Variants in XPO1 observed in about 807,000 individuals in gnomAD.
The protein encoded by XPO1 is exportin-1.
XPO1 carries 5 observed loss-of-function variants against 133.3 expected under a neutral mutation model. The ratio of observed to expected loss-of-function variants is 0.04; its 90% CI spans 0.02 to 0.08. XPO1 has a LOEUF of 0.08. Ranked by LOEUF, XPO1 falls within the 10% of genes least tolerant of loss-of-function variation. XPO1 has a pLI of 1.00. For synonymous variants in XPO1, 419 were observed against 408.2 expected (o/e 1.03, Z -0.32); for missense variants, 506 against 1,267.5 (o/e 0.40, Z 9.12).
At position 61,493,541 on chromosome 2, in the gene XPO1, A is replaced by C. The variant is rs915663532; in HGVS notation, c.1245+353T>G. On this transcript the variant is annotated intron_variant, in intron 12 of 24. Coordinates refer to ENST00000401558, the MANE Select transcript of XPO1 (RefSeq NM_003400.4). ...AAATTTTTTTTCACTGTAATTCTAC[A>C]AAAATGGCTTTATAATTATTTAAGT... 3 of 211,386 alleles carry C rather than the reference A, an allele frequency of 1.4e-5. No homozygotes were observed. The East Asian group carries it at 3.7e-4, about 26-fold the overall frequency. 13.1% of individuals were successfully genotyped at this position (211,386 alleles called of 1,614,324 possible). A position where few individuals can be genotyped will look rare whatever the true frequency, so the allele number is the denominator to read the frequency against.
At chr2:61,533,067 T>A (rs570221065) in intron 2 of XPO1, among the ~76,000 whole-genome samples, 4 of 151,848 alleles carry the variant, frequency 2.6e-5, no homozygotes, top group African/African-American at 7.3e-5. Flanking sequence ...TAATCCCAGC[T>A]ACCAGGGAGG....
chr2:61,515,776 G>A (rs1057170361), intron 4 of XPO1, among the ~76,000 whole-genome samples: 1 of 151,900 alleles, frequency 6.6e-6, no homozygotes, highest in Non-Finnish European at 1.5e-5. Context: ...AATTTTAGTG[G>A]CCCAACTACT....
chr2:61,531,408 C>G (rs1699149770), intron 2 of XPO1, among the ~76,000 whole-genome samples: 1 of 152,100 alleles, frequency 6.6e-6, no homozygotes, highest in Admixed American at 6.5e-5. Context: ...ATTAACAAGT[C>G]AATTTTAAAA....
intron 4 of XPO1, among the ~76,000 whole-genome samples, chr2:61,506,315 C>A (rs903870503): frequency 2.0e-5 from 3 of 152,116 alleles, no homozygotes; most frequent in South Asian, 4.1e-4. Context: ...CCCAGCTACT[C>A]AGGAGGCTGA....
rs145570368 is a variant in XPO1 at position 61,538,041 on chromosome 2, G to T, written c.-486C>A. The T allele has an allele frequency of 3.6e-5, 1 of 27,616 alleles. No homozygotes were observed. Among genetic ancestry groups the T allele is most frequent in the African/African-American group, 9.6e-5 (1 of 10,428 alleles). 1.7% of individuals were successfully genotyped at this position (27,616 alleles called of 1,614,324 possible). On this transcript the variant is annotated 5_prime_UTR_variant, in exon 1 of 25. Coordinates refer to ENST00000401558, the MANE Select transcript of XPO1 (RefSeq NM_003400.4). ...CCTCTCTCACGCGGCTCCGGCGCTG[G>T]CCCCCCCCCCCCCAAGGCTCGCCTA...
At chr2:61,518,824 G>A (rs1698542204) in intron 4 of XPO1, among the ~76,000 whole-genome samples, 1 of 152,084 alleles carries the variant, frequency 6.6e-6, no homozygotes. Flanking sequence ...AAAATCCAGA[G>A]AAATGTAATA....
At chr2:61,527,674 G>C (rs775932945) in intron 2 of XPO1, among the ~76,000 whole-genome samples, 1 of 152,058 alleles carries the variant, frequency 6.6e-6, no homozygotes, top group Non-Finnish European at 1.5e-5. Context: ...TCTTTAAAGA[G>C]GGCTCCTAAC....
Position 61,496,978 on chromosome 2 carries a change from G to C in XPO1, c.789C>G (p.Val263=). 6.2e-7 allele frequency: 1 copy of C among 1,613,134 alleles called. No individual in the cohort carries two copies. Among genetic ancestry groups the C allele is most frequent in the Non-Finnish European group, 8.5e-7 (1 of 1,179,734 alleles). The change falls in exon 10 of 25, where the codon GTC becomes GTG. Residue 263 remains valine, a synonymous_variant. Transcript: ENST00000401558. ...CAATCTCAGTGAGGCACTTCAGAGAGACATTTCGAAACATTGGAACATTCA... is the reference window on the plus strand; with the variant it reads ...CAATCTCAGTGAGGCACTTCAGAGACACATTTCGAAACATTGGAACATTCA... ...KFLNVPMFRN[V]SLKCLTEIAG... is the part of the protein sequence containing the mutation.
chr2:61,502,328 C>T lies in XPO1; in HGVS notation c.302-18G>A, dbSNP rs748954546. 80 of 1,604,054 alleles carry T rather than the reference C, an allele frequency of 5.0e-5. No individual in the cohort carries two copies. In the Admixed American group the frequency reaches 9.2e-4, roughly 18 times the overall value. ...TTTTATTCCTATTAAAAAAATTGCA[C>T]GTAATAAAAAAATTGTTGAGCTCTT... On this transcript the variant is annotated intron_variant, in intron 4 of 24. Transcript: ENST00000401558.
At chr2:61,481,352 A>G in intron 23 of XPO1, 71 bp from the exon 24 acceptor site, 6 of 1,159,282 alleles carry the variant, frequency 5.2e-6, no homozygotes, top group East Asian at 2.7e-5. Context: ...CTCTGTCACC[A>G]GGCTGGAGTA....
chr2:61,521,140 C>G (rs1698670282), intron 4 of XPO1, among the ~76,000 whole-genome samples: 1 of 152,144 alleles, frequency 6.6e-6, no homozygotes. Context: ...CACTCTTAAT[C>G]TATGATTTAT....
intron 1 of XPO1, among the ~76,000 whole-genome samples, chr2:61,535,890 A>C (rs1247929966): frequency 2.0e-5 from 3 of 152,226 alleles, no homozygotes; most frequent in African/African-American, 7.2e-5. Flanking sequence ...CATAAAATTT[A>C]AAAGATCAGA....
Position 61,533,805 on chromosome 2 carries a change from C to A in XPO1, c.93G>T (p.Val31=). ...CTTCTCCATGGTATAAGCAATTCACCACATTATCTAATAAGTTGATATCCA... is the reference window on the plus strand; with the variant it reads ...CTTCTCCATGGTATAAGCAATTCACAACATTATCTAATAAGTTGATATCCA... ...QKLDINLLDN[V]VNCLYHGEGA... is the part of the protein sequence containing the mutation. The change falls in exon 2 of 25, where the codon GTG becomes GTT. Residue 31 remains valine (V), a synonymous_variant. Coordinates refer to ENST00000401558, the MANE Select transcript of XPO1 (RefSeq NM_003400.4). 6.2e-7 allele frequency: 1 copy of A among 1,607,510 alleles called. No individual in the cohort carries two copies. Among genetic ancestry groups the A allele is most frequent in the Admixed American group, 1.7e-5 (1 of 58,592 alleles).
chr2:61,530,490 T>C (rs1355097147), intron 2 of XPO1, among the ~76,000 whole-genome samples: 1 of 152,198 alleles, frequency 6.6e-6, no homozygotes, highest in East Asian at 1.9e-4. Flanking sequence ...GCAATAGAGT[T>C]CAAGATCTTT....
chr2:61,511,570 C>T (rs1447221481), intron 4 of XPO1, among the ~76,000 whole-genome samples: 2 of 152,136 alleles, frequency 1.3e-5, no homozygotes, highest in Non-Finnish European at 2.9e-5. Context: ...CTCGACCATA[C>T]ACTGCTAGTT....
intron 4 of XPO1, among the ~76,000 whole-genome samples, chr2:61,508,244 G>T (rs1029793597): frequency 1.3e-5 from 2 of 152,142 alleles, no homozygotes; most frequent in African/African-American, 4.8e-5. Flanking sequence ...CAACAAAGTC[G>T]GTGGGTCAAA....
At position 61,493,675 on chromosome 2, in the gene XPO1, G is replaced by A. The variant is rs1573132192; in HGVS notation, c.1245+219C>T. The stretch of plus-strand genomic sequence containing the variant: ...CAGGTGGCCAATGAATTTGCCTAAC[G>A]AAATCACAACCAATGTTGATACTGA... On this transcript the variant is annotated intron_variant, in intron 12 of 24. Coordinates refer to ENST00000401558, the MANE Select transcript of XPO1 (RefSeq NM_003400.4). 3.0e-5 allele frequency: 14 copies of A among 470,440 alleles called. No homozygotes were observed. In the East Asian group the frequency reaches 4.5e-4, roughly 15 times the overall value. The allele number at this position is 470,440 out of a possible 1,614,324, so 29.1% of individuals were successfully genotyped here.
chr2:61,496,774 T>A (rs1238601994), intron 10 of XPO1, 105 bp downstream of exon 10: 1 of 1,224,900 alleles, frequency 8.2e-7, no homozygotes, highest in East Asian at 3.0e-5. Flanking sequence ...AACAAAAGAT[T>A]ATGGCTTATC....
intron 1 of XPO1, chr2:61,536,739 C>T (rs1699369568): frequency 6.6e-6 from 1 of 152,504 alleles, no homozygotes; most frequent in South Asian, 2.1e-4. Context: ...GGCATTTAGA[C>T]CAGGCGCCTT....
Sources: gnomAD v4.1 joint callset for allele counts (sites outside exome capture counted in the v4.1 genomes callset) on GRCh38, gnomAD v4.1.1 for gene constraint, MANE v1.5 for transcripts, NCBI Gene and HGNC (gene_info 2026-07-23, HGNC 2026-07-21) for gene names.